The following IZUMO4 variants were observed in gnomAD, a reference collection of about 807,000 sequenced individuals.
IZUMO4 encodes izumo sperm-egg fusion protein 4.
A neutral mutation model predicts 37.1 loss-of-function variants in IZUMO4; 51 were observed. The observed-to-expected ratio is 1.38, with a 90% CI of 1.10 to 1.74. The LOEUF (loss-of-function observed/expected upper bound fraction) is 1.74. Ranked by LOEUF, IZUMO4 falls within the 40% of genes most tolerant of loss-of-function variation. IZUMO4 has a pLI of 0.00. For synonymous variants in IZUMO4, 162 were observed against 121.4 expected, an observed-to-expected ratio of 1.33 and a Z score of -2.20; for missense variants, 364 against 299.6, an observed-to-expected ratio of 1.21 and a Z score of -1.59.
chr19:2,098,925 C>T, intron 8 of IZUMO4, 51 bp from the exon 9 acceptor site: 1 of 1,602,514 alleles, frequency 6.2e-7, no homozygotes, highest in Non-Finnish European at 8.5e-7. Flanking sequence ...CCTGGGACAC[C>T]TGCTGGATGT....
At chr19:2,097,392 G>A in intron 2 of IZUMO4, 32 bp from the exon 3 acceptor site, 6 of 1,607,948 alleles carry the variant, frequency 3.7e-6, no homozygotes, top group Non-Finnish European at 5.1e-6. Context: ...CCCACCGCCT[G>A]AGCCTGACCT....
At chr19:2,098,481 G>C in intron 7 of IZUMO4, 31 bp downstream of exon 7, 1 of 1,613,438 alleles carries the variant, frequency 6.2e-7, no homozygotes, top group Non-Finnish European at 8.5e-7. Flanking sequence ...AACACAGGCA[G>C]TGTGTGTATG....
intron 7 of IZUMO4, 42 bp from the exon 8 acceptor site, chr19:2,098,745 G>A (rs758256711): frequency 3.1e-6 from 5 of 1,604,954 alleles, no homozygotes; most frequent in Non-Finnish European, 3.4e-6. Context: ...GATGGTTAGG[G>A]GTGCCCCATG....
At chr19:2,098,386 A>G (rs754003808) in intron 6 of IZUMO4, 50 bp from the exon 7 acceptor site, 1 of 1,613,868 alleles carries the variant, frequency 6.2e-7, no homozygotes, top group Non-Finnish European at 8.5e-7. Context: ...GGGAGGGAAC[A>G]CTGGCCACGG....
intron 3 of IZUMO4, 196 bp downstream of exon 3, chr19:2,097,691 A>G (rs1340297772): frequency 2.9e-6 from 2 of 691,504 alleles, no homozygotes; most frequent in African/African-American, 3.6e-5. Flanking sequence ...TCCCCTAAGT[A>G]GCCCCCAGAG....
rs2017862793 is a variant in IZUMO4 at position 2,099,578 on chromosome 19, G to A, written c.*233G>A. The A allele has an allele frequency of 5.4e-6, 3 of 560,574 alleles. No individual in the cohort carries two copies. Among genetic ancestry groups the A allele is most frequent in the South Asian group, 4.2e-5 (2 of 47,492 alleles). The allele number at this position is 560,574 out of a possible 1,614,324, so 34.7% of individuals were successfully genotyped here. ...GCGGGATGTGATTAAAGTCCCTGAT[G>A]TTTCTCTTTGCAGAAGAGTTCTTGT... On this transcript the variant is annotated 3_prime_UTR_variant, in exon 10 of 10. Transcript: ENST00000395301.
chr19:2,098,523 A>G (rs2017791466), intron 7 of IZUMO4, 73 bp downstream of exon 7: 7 of 1,610,388 alleles, frequency 4.3e-6, no homozygotes, highest in Non-Finnish European at 5.9e-6. Flanking sequence ...TGTGTGGGGC[A>G]CAGGCTGGCT....
Position 2,097,302 on chromosome 19 carries a change from C to T in IZUMO4, c.268C>T (p.Gln90Ter), listed in dbSNP as rs760126203. ...VATAVYQMMD[Q>*]LYQGKMYFPG... ...GACAGCAGTGTACCAGATGATGGAT[C>T]AGCTGTACCAGGGGAAGATGTACTT... Residue 90 changes from glutamine (Q) to a stop codon, truncating the protein, a stop_gained, in exon 2 of 10, where the codon CAG (glutamine) becomes TAG (stop). Coordinates refer to ENST00000395301, the MANE Select transcript of IZUMO4 (RefSeq NM_001039846.2). LOFTEE classifies it high-confidence loss of function. 7.4e-6 allele frequency: 12 copies of T among 1,612,844 alleles called. No homozygotes were observed. The East Asian group carries it at 1.3e-4, about 18-fold the overall frequency.
chr19:2,098,632 T>C, intron 7 of IZUMO4, 155 bp from the exon 8 acceptor site: 2 of 1,560,474 alleles, frequency 1.3e-6, no homozygotes, highest in Non-Finnish European at 1.7e-6. Context: ...CTCAAAGGTC[T>C]CCGACCCTCA....
intron 9 of IZUMO4, 101 bp downstream of exon 9, chr19:2,099,130 G>GGTGTC (rs2017830481): frequency 2.9e-6 from 4 of 1,403,018 alleles, no homozygotes; most frequent in Admixed American, 3.4e-5. Flanking sequence ...CAGGCACGAG[G>GGTGTC]GTGTCGTGGA....
Position 2,098,662 on chromosome 19 carries a change from C to T in IZUMO4, c.537-125C>T, listed in dbSNP as rs1003389583. The T allele has an allele frequency of 1.2e-5, 18 of 1,558,962 alleles. No individual in the cohort carries two copies. The Admixed American group carries it at 1.8e-4, about 15-fold the overall frequency. On this transcript the variant is annotated intron_variant, in intron 7 of 9. Coordinates refer to ENST00000395301, the MANE Select transcript of IZUMO4 (RefSeq NM_001039846.2). ...CCCTCAGCTGGAGGCGGGCATCTTTCCTAAAGGGTCCCCATAGGGTCTGGT... is the reference window on the plus strand; with the variant it reads ...CCCTCAGCTGGAGGCGGGCATCTTTTCTAAAGGGTCCCCATAGGGTCTGGT...
At position 2,098,811 on chromosome 19, in the gene IZUMO4, C is replaced by G. The variant is rs772312133; in HGVS notation, c.554+7C>G. On this transcript the variant is annotated splice_region_variant and intron_variant, in intron 8 of 9. Transcript: ENST00000395301. ...GACAGGACACGAGCATGAGGTAAGG[C>G]CGCCCTGACCTGGACTTCAGGGGGA... 1 of 1,596,446 alleles carries G rather than the reference C, an allele frequency of 6.3e-7. No individual in the cohort carries two copies. Among genetic ancestry groups the G allele is most frequent in the Non-Finnish European group, 8.5e-7 (1 of 1,170,668 alleles).
rs376861186 is a variant in IZUMO4 at position 2,097,895 on chromosome 19, C to T, written c.371-34C>T. The T allele has an allele frequency of 1.6e-5, 26 of 1,612,020 alleles. No homozygotes were observed. In the African/African-American group the frequency reaches 2.7e-4, roughly 17 times the overall value. ...AGGCAGGACTGGGGACAAGGCTGGG[C>T]CTGGTAAGATGGCGCTGTCCTGCCC... On this transcript the variant is annotated intron_variant, in intron 3 of 9. Transcript: ENST00000395301.
At position 2,097,000 on chromosome 19, in the gene IZUMO4, C is replaced by T. The variant is rs2017715968; in HGVS notation, c.55C>T (p.Leu19=). ...GACGGCGGCGCTGGCCCACGGCTGT[C>T]TGCACTGCCACAGCAACTTCTCCAA... ...CLTAALAHGC[L]HCHSNFSKKF... Residue 19 remains leucine, a synonymous_variant, in exon 1 of 10, where the codon CTG becomes TTG. Transcript: ENST00000395301. 3.7e-6 allele frequency: 6 copies of T among 1,610,790 alleles called. No homozygotes were observed. The highest frequency in any genetic ancestry group is 5.1e-6 in the Non-Finnish European group (6 of 1,179,884).
Position 2,098,290 on chromosome 19 carries a change from C to T in IZUMO4, c.477C>T (p.Ser159=), listed in dbSNP as rs1379060867. 2 of 1,613,782 alleles carry T rather than the reference C, an allele frequency of 1.2e-6. No homozygotes were observed. The highest frequency in any genetic ancestry group is 1.1e-5 in the South Asian group (1 of 91,086). The change falls in exon 6 of 10, where the codon TCC becomes TCT. Residue 159 remains serine (S), a synonymous_variant. Coordinates refer to ENST00000395301, the MANE Select transcript of IZUMO4 (RefSeq NM_001039846.2). ...HVACFGYNCE[S]SAQWKSAVQG... Reference sequence around the variant, plus strand: ...CTTCCAAGCCTGTGTCCCACAGGTCCTCGGCGCAGTGGAAGTCAGCTGTCC... The same window carrying T: ...CTTCCAAGCCTGTGTCCCACAGGTCTTCGGCGCAGTGGAAGTCAGCTGTCC...
intron 5 of IZUMO4, 70 bp from the exon 6 acceptor site, chr19:2,098,217 C>G: frequency 6.2e-7 from 1 of 1,611,780 alleles, no homozygotes. Context: ...CCGCCTTCCA[C>G]CTGGCTGTCA....
At position 2,099,328 on chromosome 19, in the gene IZUMO4, T is replaced by C. The variant is rs147056920; in HGVS notation, c.682T>C (p.Cys228Arg). Residue 228 changes from cysteine to arginine, a missense_variant, in exon 10 of 10, where the codon TGT (cysteine) becomes CGT (arginine). Physicochemically the swap from Cys to Arg is radical, Grantham distance 180. Coordinates refer to ENST00000395301, the MANE Select transcript of IZUMO4 (RefSeq NM_001039846.2). Reference protein sequence around the residue: ...ANLTLEDAAECLKQH With the variant: ...ANLTLEDAAERLKQH ...CCTGACCTTGGAAGATGCTGCTGAG[T>C]GTCTCAAGCAGCACTGACAGCAGCT... 1.1e-4 allele frequency: 174 copies of C among 1,612,334 alleles called. 1 individual carries two copies. The highest frequency in any genetic ancestry group is 4.9e-4 in the Middle Eastern group (3 of 6,078).
Position 2,096,942 on chromosome 19 carries a change from G to C in IZUMO4, c.-4G>C. 6.2e-7 allele frequency: 1 copy of C among 1,600,964 alleles called. No individual in the cohort carries two copies. Among genetic ancestry groups the C allele is most frequent in the Non-Finnish European group, 8.5e-7 (1 of 1,177,094 alleles). On this transcript the variant is annotated 5_prime_UTR_variant, in exon 1 of 10. Transcript: ENST00000395301. Reference sequence around the variant, plus strand: ...TGGTTGGCCGGCGGCGGGCCGGGACGGGCATGGCCCTGCTGCTGTGCCTGG... The same window carrying C: ...TGGTTGGCCGGCGGCGGGCCGGGACCGGCATGGCCCTGCTGCTGTGCCTGG...
intron 8 of IZUMO4, 82 bp from the exon 9 acceptor site, chr19:2,098,894 G>A (rs1393249769): frequency 6.3e-7 from 1 of 1,575,896 alleles, no homozygotes. Context: ...TGGGGGCACT[G>A]CAGGTGGGGC....
Sources: allele counts gnomAD v4.1 joint callset, GRCh38; gene constraint gnomAD v4.1.1; transcripts MANE v1.5; gene names NCBI Gene and HGNC (gene_info 2026-07-23, HGNC 2026-07-21).